The following MIXL1 variants were observed in gnomAD, a reference collection of about 807,000 sequenced individuals.
The protein encoded by MIXL1 is Mix paired-like homeobox.
In MIXL1, 9 loss-of-function variants were observed where a neutral mutation model predicts 9.3. The ratio of observed to expected loss-of-function variants is 0.97; its 90% confidence interval spans 0.58 to 1.69. MIXL1 has a LOEUF of 1.69. Ranked by LOEUF, MIXL1 falls within the 40% of genes most tolerant of loss-of-function variation. MIXL1 has a pLI of 0.00. For missense variants in MIXL1, 330 were observed against 331.7 expected (o/e 0.99, Z 0.04); for synonymous variants, 164 against 155.6 (o/e 1.05, Z -0.40).
rs1657176122 is a variant in MIXL1, at chr1:226,226,881, A to C, written c.*1069A>C. On this transcript the variant is annotated 3_prime_UTR_variant, in exon 2 of 2. Transcript: ENST00000366810. The stretch of plus-strand genomic sequence containing the variant: ...CTCCTTTCAGTTTTGAACCAAATTC[A>C]TACCTTTTGCTTTCAAAACACTCGA... 6.6e-6 allele frequency: 1 copy of C among 152,106 alleles called. No individual in the cohort carries two copies. The highest frequency in any genetic ancestry group is 2.4e-5 in the African/African-American group (1 of 41,416). 9.4% of individuals were successfully genotyped at this position (152,106 alleles called of 1,614,324 possible). A position where few individuals can be genotyped will look rare whatever the true frequency, so the allele number is the denominator to read the frequency against.
In MIXL1 at chr1:226,223,993, C is replaced by A; in HGVS notation, c.312C>A (p.Val104=). The change falls in exon 1 of 2, where the codon GTC becomes GTA. Residue 104 remains valine, a synonymous_variant. Coordinates refer to ENST00000366810, the MANE Select transcript of MIXL1 (RefSeq NM_031944.3). The part of the protein sequence containing the change: ...SAEQLQLLEL[V]FRRTRYPDIH... ...AACAGCTGCAGCTGCTGGAGCTCGT[C>A]TTCCGCCGGACCCGGTACCCCGACA... The A allele has an allele frequency of 1.4e-6, 2 of 1,450,966 alleles. No individual in the cohort carries two copies. The allele number at this position is 1,450,966 out of a possible 1,614,324, so 89.9% of individuals were successfully genotyped here. A position where few individuals can be genotyped will look rare whatever the true frequency, so the allele number is the denominator to read the frequency against.
chr1:226,225,636 C>T lies in MIXL1; in HGVS notation c.523C>T (p.Leu175=). The T allele has an allele frequency of 6.2e-7, 1 of 1,614,220 alleles. No homozygotes were observed. Among genetic ancestry groups the T allele is most frequent in the Middle Eastern group, 1.6e-4 (1 of 6,062 alleles). The change falls in exon 2 of 2, where the codon CTG becomes TTG. Residue 175 remains leucine (L), a synonymous_variant. Transcript: ENST00000366810. ...GTETKCLKPQ[L]PLEVDVNCLP... ...TGAAACGAAATGTCTGAAGCCCCAG[C>T]TGCCTCTTGAGGTAGATGTGAACTG...
intron 1 of MIXL1, among the ~76,000 whole-genome samples, chr1:226,224,457 G>A (rs72760607): frequency 0.035 from 5,299 of 152,254 alleles, 149 homozygotes; most frequent in Middle Eastern, 0.061. Context: ...GGCTTTGAGC[G>A]TGAGAATGGT....
Position 226,226,784 on chromosome 1 carries a change from C to G in MIXL1, c.*972C>G, listed in dbSNP as rs1657174460. On this transcript the variant is annotated 3_prime_UTR_variant, in exon 2 of 2. Transcript: ENST00000366810. Reference sequence around the variant, plus strand: ...TACCCTCCCAGATAACTGATATCATCCTTAGCCTGCAGGACAGCTATGCAA... The same window carrying G: ...TACCCTCCCAGATAACTGATATCATGCTTAGCCTGCAGGACAGCTATGCAA... 1 of 151,868 alleles carries G rather than the reference C, an allele frequency of 6.6e-6. No individual in the cohort carries two copies. Among genetic ancestry groups the G allele is most frequent in the Non-Finnish European group, 1.5e-5 (1 of 67,978 alleles). The allele number at this position is 151,868 out of a possible 1,614,324, so 9.4% of individuals were successfully genotyped here.
At position 226,225,709 on chromosome 1, in the gene MIXL1, C is replaced by A; in HGVS notation, c.596C>A (p.Ser199Tyr). Residue 199 changes from serine to tyrosine, a missense_variant, in exon 2 of 2, where the codon TCC (serine) becomes TAC (tyrosine). Coordinates refer to ENST00000366810, the MANE Select transcript of MIXL1 (RefSeq NM_031944.3). ...GGAGGGGGCATCTCTGACTCTAGCT[C>A]CCAAGGTCAGAATTTTGAAACCTGT... is the stretch of plus-strand genomic sequence containing the variant. Reference protein sequence around the residue: ...GVGGGISDSSSQGQNFETCSP... With the variant: ...GVGGGISDSSYQGQNFETCSP... The A allele has an allele frequency of 6.2e-7, 1 of 1,614,172 alleles. No homozygotes were observed. Among genetic ancestry groups the A allele is most frequent in the Non-Finnish European group, 8.5e-7 (1 of 1,180,034 alleles).
In MIXL1 at chr1:226,226,002, AC is replaced by A; in HGVS notation, c.*191del. On this transcript the variant is annotated 3_prime_UTR_variant, in exon 2 of 2. Transcript: ENST00000366810. Reference sequence around the variant, plus strand: ...TTTGTCAATGACGTTTTAAGCCCACACTCCCACCCCAGAGTTCCCGCATTCG... The same window carrying A: ...TTTGTCAATGACGTTTTAAGCCCACATCCCACCCCAGAGTTCCCGCATTCG... 1 of 580,016 alleles carries A rather than the reference AC, an allele frequency of 1.7e-6. No individual in the cohort carries two copies. The highest frequency in any genetic ancestry group is 3.0e-6 in the Non-Finnish European group (1 of 328,972). The allele number at this position is 580,016 out of a possible 1,614,324, so 35.9% of individuals were successfully genotyped here.
Position 226,223,723 on chromosome 1 carries a change from C to A in MIXL1, c.42C>A (p.Gly14=). 6.8e-7 allele frequency: 1 copy of A among 1,462,126 alleles called. No individual in the cohort carries two copies. Among genetic ancestry groups the A allele is most frequent in the South Asian group, 1.3e-5 (1 of 75,386 alleles). The allele number at this position is 1,462,126 out of a possible 1,614,324, so 90.6% of individuals were successfully genotyped here. The change falls in exon 1 of 2, where the codon GGC becomes GGA. Residue 14 remains glycine (G), a synonymous_variant. Transcript: ENST00000366810. Reference sequence around the variant, plus strand: ...CCCGTGCGCTCCAGTTTGCCGAGGGCGCCGCGTTTCCAGCGTACCGGGCCC... The same window carrying A: ...CCCGTGCGCTCCAGTTTGCCGAGGGAGCCGCGTTTCCAGCGTACCGGGCCC... ...AESRALQFAE[G]AAFPAYRAPH... is the part of the protein sequence containing the mutation.
chr1:226,224,098 G>A, intron 1 of MIXL1, 24 bp downstream of exon 1: 1 of 1,283,392 alleles, frequency 7.8e-7, no homozygotes, highest in East Asian at 3.0e-5. Context: ...GCGTTCGCAA[G>A]TGCGCGCTGG....
Position 226,225,867 on chromosome 1 carries a change from A to G in MIXL1, c.*55A>G. 7.1e-7 allele frequency: 1 copy of G among 1,400,136 alleles called. No individual in the cohort carries two copies. The highest frequency in any genetic ancestry group is 1.8e-5 in the Admixed American group (1 of 54,714). The allele number at this position is 1,400,136 out of a possible 1,614,324, so 86.7% of individuals were successfully genotyped here. A position where few individuals can be genotyped will look rare whatever the true frequency, so the allele number is the denominator to read the frequency against. Reference sequence around the variant, plus strand: ...GAGGAGCCATGACTGACAGCCTGGGAGAGACACATCAGCATACTGTCCTTT... The same window carrying G: ...GAGGAGCCATGACTGACAGCCTGGGGGAGACACATCAGCATACTGTCCTTT... On this transcript the variant is annotated 3_prime_UTR_variant, in exon 2 of 2. Coordinates refer to ENST00000366810, the MANE Select transcript of MIXL1 (RefSeq NM_031944.3).
In MIXL1 at chr1:226,225,704, T is replaced by C. The variant is rs114679749; in HGVS notation, c.591T>C (p.Ser197=). Residue 197 remains serine (S), a synonymous_variant, in exon 2 of 2, where the codon TCT becomes TCC. Coordinates refer to ENST00000366810, the MANE Select transcript of MIXL1 (RefSeq NM_031944.3). ...PNGVGGGISD[S]SSQGQNFETC... is the part of the protein sequence containing the mutation. Reference sequence around the variant, plus strand: ...GGGTTGGAGGGGGCATCTCTGACTCTAGCTCCCAAGGTCAGAATTTTGAAA... The same window carrying C: ...GGGTTGGAGGGGGCATCTCTGACTCCAGCTCCCAAGGTCAGAATTTTGAAA... The C allele has an allele frequency of 1.8e-4, 283 of 1,614,190 alleles. 1 individual carries two copies. The African/African-American group carries it at 3.4e-3, about 19-fold the overall frequency.
rs541154897 is a variant in MIXL1, at chr1:226,223,961, A to G, written c.280A>G (p.Ser94Gly). 1.5e-4 allele frequency: 214 copies of G among 1,445,940 alleles called. No individual in the cohort carries two copies. Among genetic ancestry groups the G allele is most frequent in the Non-Finnish European group, 1.9e-4 (205 of 1,089,186 alleles). The allele number at this position is 1,445,940 out of a possible 1,614,324, so 89.6% of individuals were successfully genotyped here. ...ASQRRKRTSFSAEQLQLLELV... is the reference protein window; with the variant it reads ...ASQRRKRTSFGAEQLQLLELV... ...GCAGCGCCGCAAGCGCACGTCTTTC[A>G]GCGCCGAACAGCTGCAGCTGCTGGA... is the stretch of plus-strand genomic sequence containing the variant. Residue 94 changes from serine (S) to glycine (G), a missense_variant, in exon 1 of 2, where the codon AGC (serine) becomes GGC (glycine). Ser to Gly is a moderately conservative substitution (Grantham distance 56). Transcript: ENST00000366810.
rs561629601 is a variant in MIXL1 at position 226,223,670 on chromosome 1, G to C, written c.-12G>C. Reference sequence around the variant, plus strand: ...CCGCGCCCCTCCGAGCGGCGCGCTGGGTTCCGGAGCGATGGCCACAGCCGA... The same window carrying C: ...CCGCGCCCCTCCGAGCGGCGCGCTGCGTTCCGGAGCGATGGCCACAGCCGA... On this transcript the variant is annotated 5_prime_UTR_variant, in exon 1 of 2. Transcript: ENST00000366810. 5.1e-6 allele frequency: 7 copies of C among 1,385,420 alleles called. No homozygotes were observed. The South Asian group carries it at 1.2e-4, about 23-fold the overall frequency. The allele number at this position is 1,385,420 out of a possible 1,614,324, so 85.8% of individuals were successfully genotyped here.
chr1:226,224,136 G>C, intron 1 of MIXL1, 62 bp downstream of exon 1: 1 of 1,236,820 alleles, frequency 8.1e-7, no homozygotes, highest in Non-Finnish European at 1.0e-6. Flanking sequence ...CTCTAGGTCT[G>C]GACTGCGGGC....
rs1355857636 is a variant in MIXL1 at position 226,225,978 on chromosome 1, T to A, written c.*166T>A. Reference sequence around the variant, plus strand: ...TCACATTTGAAGGTACCCCGCCACTTTGTCAATGACGTTTTAAGCCCACAC... The same window carrying A: ...TCACATTTGAAGGTACCCCGCCACTATGTCAATGACGTTTTAAGCCCACAC... On this transcript the variant is annotated 3_prime_UTR_variant, in exon 2 of 2. Transcript: ENST00000366810. The A allele has an allele frequency of 1.5e-6, 1 of 662,156 alleles. No individual in the cohort carries two copies. The highest frequency in any genetic ancestry group is 2.6e-6 in the Non-Finnish European group (1 of 384,590). The allele number at this position is 662,156 out of a possible 1,614,324, so 41.0% of individuals were successfully genotyped here. A position where few individuals can be genotyped will look rare whatever the true frequency, so the allele number is the denominator to read the frequency against.
At chr1:226,225,108 TGTCA>T (rs902787024) in intron 1 of MIXL1, among the ~76,000 whole-genome samples, 2 of 152,202 alleles carry the variant, frequency 1.3e-5, no homozygotes, top group African/African-American at 2.4e-5. Context: ...GTCATACAGC[TGTCA>T]GTCTCAACAG....
Position 226,225,733 on chromosome 1 carries a change from G to T in MIXL1, c.620G>T (p.Cys207Phe), listed in dbSNP as rs746168864. 145 of 1,614,122 alleles carry T rather than the reference G, an allele frequency of 9.0e-5. 1 individual carries two copies. The highest frequency in any genetic ancestry group is 5.7e-4 in the Admixed American group (34 of 60,026). Residue 207 changes from cysteine to phenylalanine, a missense_variant, in exon 2 of 2, where the codon TGT becomes TTT. Cys to Phe is a radical substitution (Grantham distance 205, BLOSUM62 -2). Transcript: ENST00000366810. ...SSSQGQNFET[C>F]SPLSEDIGSK... is the part of the protein sequence containing the mutation. ...TCCCAAGGTCAGAATTTTGAAACCTGTTCCCCTCTCTCTGAAGACATTGGT... is the reference window on the plus strand; with the variant it reads ...TCCCAAGGTCAGAATTTTGAAACCTTTTCCCCTCTCTCTGAAGACATTGGT...
intron 1 of MIXL1, among the ~76,000 whole-genome samples, 154 bp downstream of exon 1, chr1:226,224,228 C>T (rs1274468571): frequency 3.3e-5 from 5 of 152,180 alleles, no homozygotes; most frequent in African/African-American, 1.2e-4. Context: ...GGGGTGATAT[C>T]GGCACCTGCT....
At chr1:226,225,467 C>T (rs769072514) in intron 1 of MIXL1, 40 bp from the exon 2 acceptor site, 2 of 1,599,240 alleles carry the variant, frequency 1.3e-6, no homozygotes, top group Non-Finnish European at 8.5e-7. Context: ...GCATAAAAAA[C>T]TCCAACCAAA....
At position 226,224,057 on chromosome 1, in the gene MIXL1, C is replaced by T; in HGVS notation, c.376C>T (p.Pro126Ser). 7.4e-7 allele frequency: 1 copy of T among 1,359,552 alleles called. No homozygotes were observed. Among genetic ancestry groups the T allele is most frequent in the Non-Finnish European group, 9.6e-7 (1 of 1,044,960 alleles). 84.2% of individuals were successfully genotyped at this position (1,359,552 alleles called of 1,614,324 possible). A position where few individuals can be genotyped will look rare whatever the true frequency, so the allele number is the denominator to read the frequency against. Reference sequence around the variant, plus strand: ...GCGCCTGGCCGCGCTCACCCTGCTCCCCGAGTCCAGGATCCAGGTGAGGGC... The same window carrying T: ...GCGCCTGGCCGCGCTCACCCTGCTCTCCGAGTCCAGGATCCAGGTGAGGGC... The part of the protein sequence containing the change: ...RERLAALTLL[P>S]ESRIQVWFQN... The change falls in exon 1 of 2, where the codon CCC (proline) becomes TCC (serine). Residue 126 changes from proline (P) to serine (S), a missense_variant. Coordinates refer to ENST00000366810, the MANE Select transcript of MIXL1 (RefSeq NM_031944.3).
Sources: gnomAD v4.1 joint callset for allele counts (sites outside exome capture counted in the v4.1 genomes callset) on GRCh38, gnomAD v4.1.1 for gene constraint, MANE v1.5 for transcripts, NCBI Gene and HGNC (gene_info 2026-07-23, HGNC 2026-07-21) for gene names.